The following PDZRN3 variants were observed in gnomAD, a reference collection of about 807,000 sequenced individuals.
PDZRN3 encodes the protein PDZ domain containing ring finger 3.
PDZRN3 carries 38 observed loss-of-function variants against 85.7 expected under a neutral mutation model. The ratio of observed to expected loss-of-function variants is 0.44; its 90% confidence interval spans 0.34 to 0.58. The LOEUF (loss-of-function observed/expected upper bound fraction) is 0.58, where lower values mean the gene tolerates loss of function less well. PDZRN3 is among the 20% of genes least tolerant of loss of function. The probability of loss-of-function intolerance (pLI) is 0.01; values close to 1 mark genes in which losing one functional copy is unlikely to be tolerated. For synonymous variants in PDZRN3, 759 were observed against 638.0 expected, an observed-to-expected ratio of 1.19 and a Z score of -2.86; for missense variants, 1,629 against 1,506.4, an observed-to-expected ratio of 1.08 and a Z score of -1.35.
At chr3:73,536,530 A>G (rs970496041) in intron 3 of PDZRN3, among the ~76,000 whole-genome samples, 4 of 152,260 alleles carry the variant, frequency 2.6e-5, no homozygotes, top group African/African-American at 9.6e-5. Flanking sequence ...AAAAATACAC[A>G]GAAGCACATC....
chr3:73,550,520 C>T (rs1701529660), intron 3 of PDZRN3, among the ~76,000 whole-genome samples: 1 of 152,246 alleles, frequency 6.6e-6, no homozygotes, highest in South Asian at 2.1e-4. Flanking sequence ...CCTGATTTGA[C>T]TGCAAAGGCA....
At chr3:73,397,082 G>A (rs1479815528) in intron 5 of PDZRN3, among the ~76,000 whole-genome samples, 1 of 147,288 alleles carries the variant, frequency 6.8e-6, no homozygotes, top group African/African-American at 2.5e-5. Flanking sequence ...TGCCCAGGCT[G>A]GAGTGCGGTG....
At chr3:73,592,274 T>A (rs1183205315) in intron 3 of PDZRN3, among the ~76,000 whole-genome samples, 1 of 152,208 alleles carries the variant, frequency 6.6e-6, no homozygotes, top group Non-Finnish European at 1.5e-5. Flanking sequence ...AATTAGACTG[T>A]CAATTTTGCT....
intron 3 of PDZRN3, among the ~76,000 whole-genome samples, chr3:73,594,804 T>C (rs139627271): frequency 6.6e-6 from 1 of 152,266 alleles, no homozygotes; most frequent in East Asian, 1.9e-4. Context: ...GGGGAAAATA[T>C]GATATTCACT....
rs550301091 is a variant in PDZRN3, at chr3:73,500,132, C to T, written c.919-95737G>A. On this transcript the variant is annotated intron_variant, in intron 3 of 9. Transcript: ENST00000263666. ...ATGCAATGGCGTGATCATGGCTAAC[C>T]GCAGCCTTGATCTCATGGGTTCAAG... Among the ~76,000 whole-genome samples the T allele has an allele frequency of 2.6e-5, 4 of 152,166 alleles. No individual in the cohort carries two copies. In the South Asian group the frequency reaches 6.2e-4, roughly 24 times the overall value.
At chr3:73,512,439 C>T (rs1448939087) in intron 3 of PDZRN3, among the ~76,000 whole-genome samples, 1 of 152,206 alleles carries the variant, frequency 6.6e-6, no homozygotes, top group Non-Finnish European at 1.5e-5. Context: ...ATTCTTTTAA[C>T]ATTGCATATA....
At chr3:73,484,103 T>C (rs540673257) in intron 3 of PDZRN3, among the ~76,000 whole-genome samples, 1 of 151,838 alleles carries the variant, frequency 6.6e-6, no homozygotes, top group Non-Finnish European at 1.5e-5. Flanking sequence ...AAGGAGGGGA[T>C]GATATGAGAA....
rs1014358707 is a variant in PDZRN3, at chr3:73,624,924, G to C, written c.-99C>G. 1.1e-4 allele frequency: 100 copies of C among 938,396 alleles called. No homozygotes were observed. The highest frequency in any genetic ancestry group is 4.4e-5 in the Admixed American group (1 of 22,782). The allele number at this position is 938,396 out of a possible 1,614,324, so 58.1% of individuals were successfully genotyped here. On this transcript the variant is annotated 5_prime_UTR_variant, in exon 1 of 10. Coordinates refer to ENST00000263666, the MANE Select transcript of PDZRN3 (RefSeq NM_015009.3). ...GGCCGGCTACGCCGCCCGCGCGCTC[G>C]CTGGCTCTCCCCGGACTGAGCCTAA...
chr3:73,488,145 C>A (rs1056345153), intron 3 of PDZRN3, among the ~76,000 whole-genome samples: 3 of 152,138 alleles, frequency 2.0e-5, no homozygotes, highest in Admixed American at 1.3e-4. Flanking sequence ...CAGATGAAAC[C>A]CCGTTTTAAG....
At chr3:73,543,586 T>G (rs1206016823) in intron 3 of PDZRN3, among the ~76,000 whole-genome samples, 48 of 152,218 alleles carry the variant, frequency 3.2e-4, no homozygotes, top group Admixed American at 3.1e-3. Context: ...AATATTTCCT[T>G]TAGGCTTCTC....
chr3:73,593,100 A>C (rs1702384462), intron 3 of PDZRN3, among the ~76,000 whole-genome samples: 1 of 152,114 alleles, frequency 6.6e-6, no homozygotes, highest in African/African-American at 2.4e-5. Flanking sequence ...TCCTTAAAAA[A>C]AAAAAACAGA....
At chr3:73,479,272 A>G in intron 3 of PDZRN3, among the ~76,000 whole-genome samples, 1 of 152,188 alleles carries the variant, frequency 6.6e-6, no homozygotes, top group East Asian at 1.9e-4. Context: ...AGAAAAGTTA[A>G]ATTCCTTCTG....
At chr3:73,388,546 G>A (rs1164436198) in intron 7 of PDZRN3, among the ~76,000 whole-genome samples, 2 of 152,240 alleles carry the variant, frequency 1.3e-5, no homozygotes, top group South Asian at 2.1e-4. Flanking sequence ...TGGGCCAGGC[G>A]GAGGGTCAAG....
intron 3 of PDZRN3, among the ~76,000 whole-genome samples, chr3:73,456,092 T>C (rs1429670977): frequency 6.6e-6 from 1 of 152,228 alleles, no homozygotes; most frequent in Non-Finnish European, 1.5e-5. Flanking sequence ...TGGGCTTTGC[T>C]TTCTTGGAAT....
intron 3 of PDZRN3, among the ~76,000 whole-genome samples, chr3:73,601,370 T>C (rs1311631593): frequency 6.6e-6 from 1 of 152,158 alleles, no homozygotes; most frequent in African/African-American, 2.4e-5. Context: ...ATGATAAAAA[T>C]GCATGTGGAA....
intron 5 of PDZRN3, among the ~76,000 whole-genome samples, chr3:73,394,025 C>G (rs1701585523): frequency 6.6e-6 from 1 of 151,964 alleles, no homozygotes; most frequent in South Asian, 2.1e-4. Context: ...CTGAATCTGT[C>G]AATTCCTCCA....
At chr3:73,406,066 T>C (rs1276772572) in intron 3 of PDZRN3, among the ~76,000 whole-genome samples, 5 of 152,000 alleles carry the variant, frequency 3.3e-5, no homozygotes, top group Non-Finnish European at 1.5e-5. Flanking sequence ...TCCACTTAAG[T>C]AATTTATTTA....
chr3:73,565,851 T>TA (rs1156258417), intron 3 of PDZRN3, among the ~76,000 whole-genome samples: 50 of 139,028 alleles, frequency 3.6e-4, no homozygotes, highest in South Asian at 4.6e-4. Flanking sequence ...ATGCTTCCAA[T>TA]AAAAAAAAAA....
Position 73,535,202 on chromosome 3 carries a change from A to G in PDZRN3, c.918+67152T>C, listed in dbSNP as rs552615673. On this transcript the variant is annotated intron_variant, in intron 3 of 9. Transcript: ENST00000263666. ...GGAACAGAGCAGCTGCTGACCCAAAATGGAAATGTATCAAGAGCAAGAAAT... is the reference window on the plus strand; with the variant it reads ...GGAACAGAGCAGCTGCTGACCCAAAGTGGAAATGTATCAAGAGCAAGAAAT... Among the ~76,000 whole-genome samples the G allele has an allele frequency of 4.6e-5, 7 of 152,068 alleles. No individual in the cohort carries two copies. In the East Asian group the frequency reaches 1.4e-3, roughly 29 times the overall value.
Sources: gnomAD v4.1 joint callset for allele counts (sites outside exome capture counted in the v4.1 genomes callset) on GRCh38, gnomAD v4.1.1 for gene constraint, MANE v1.5 for transcripts, NCBI Gene and HGNC (gene_info 2026-07-23, HGNC 2026-07-21) for gene names.